HS3ST3B1: variants seen among roughly 807,000 people sequenced by gnomAD.
HS3ST3B1 encodes the protein heparan sulfate-glucosamine 3-sulfotransferase 3B1.
A neutral mutation model predicts 21.3 loss-of-function variants in HS3ST3B1; 13 were observed. The observed-to-expected ratio is 0.61, with a 90% CI of 0.40 to 0.97. HS3ST3B1 has a LOEUF of 0.97. Ranked by LOEUF, HS3ST3B1 falls within the 50% of genes least tolerant of loss-of-function variation. HS3ST3B1 has a pLI of 0.00. For synonymous variants in HS3ST3B1, 234 were observed against 254.8 expected (o/e 0.92, Z 0.78); for missense variants, 459 against 554.8 (o/e 0.83, Z 1.73).
rs1409859355 is a variant in HS3ST3B1 at position 14,314,048 on chromosome 17, C to T, written c.554+11976C>T. Among the ~76,000 whole-genome samples the T allele has an allele frequency of 2.0e-5, 3 of 152,050 alleles. 1 individual carries two copies. Among genetic ancestry groups the T allele is most frequent in the South Asian group, 4.2e-4 (2 of 4,808 alleles). On this transcript the variant is annotated intron_variant, in intron 1 of 1. Coordinates refer to ENST00000360954, the MANE Select transcript of HS3ST3B1 (RefSeq NM_006041.3). ...AGGCTGGAGTGCAGTGGCACGATCT[C>T]GGCTCACCGCAACCTCCGCCTCCCG...
Position 14,345,752 on chromosome 17 carries a change from A to C in HS3ST3B1, c.*106A>C. 1 of 1,367,310 alleles carries C rather than the reference A, an allele frequency of 7.3e-7. No homozygotes were observed. The highest frequency in any genetic ancestry group is 2.6e-5 in the East Asian group (1 of 38,982). The allele number at this position is 1,367,310 out of a possible 1,614,324, so 84.7% of individuals were successfully genotyped here. A position where few individuals can be genotyped will look rare whatever the true frequency, so the allele number is the denominator to read the frequency against. On this transcript the variant is annotated 3_prime_UTR_variant, in exon 2 of 2. Coordinates refer to ENST00000360954, the MANE Select transcript of HS3ST3B1 (RefSeq NM_006041.3). ...TTTTATAATAATTTATTTTTAATTCATAAGCAATTAATTCACTAAGCTGCC... is the reference window on the plus strand; with the variant it reads ...TTTTATAATAATTTATTTTTAATTCCTAAGCAATTAATTCACTAAGCTGCC...
At chr17:14,322,011 G>A (rs1909674339) in intron 1 of HS3ST3B1, among the ~76,000 whole-genome samples, 1 of 150,456 alleles carries the variant, frequency 6.6e-6, no homozygotes, top group East Asian at 2.0e-4. Context: ...TATATAAAGT[G>A]CTGTTTATTT....
chr17:14,313,145 T>TACATATATATATGTGTGTATA (rs1349125456), intron 1 of HS3ST3B1, among the ~76,000 whole-genome samples: 1 of 150,548 alleles, frequency 6.6e-6, no homozygotes, highest in Non-Finnish European at 1.5e-5. Context: ...TATATATATA[T>TACATATATATATGTGTGTATA]TTTTAGTAGA....
At chr17:14,340,878 C>T (rs746658562) in intron 1 of HS3ST3B1, among the ~76,000 whole-genome samples, 6 of 152,186 alleles carry the variant, frequency 3.9e-5, no homozygotes, top group African/African-American at 1.4e-4. Context: ...CCACCAAGCC[C>T]GGCTGAGTAA....
At chr17:14,332,513 G>A (rs1035453932) in intron 1 of HS3ST3B1, among the ~76,000 whole-genome samples, 5 of 151,828 alleles carry the variant, frequency 3.3e-5, no homozygotes, top group Non-Finnish European at 5.9e-5. Flanking sequence ...GTCTGCAACC[G>A]CTCCCACCGC....
intron 1 of HS3ST3B1, among the ~76,000 whole-genome samples, chr17:14,338,542 A>C (rs1910267670): frequency 6.6e-6 from 1 of 151,680 alleles, no homozygotes; most frequent in Non-Finnish European, 1.5e-5. Context: ...TCCCAGGTTC[A>C]AGTGATTCTC....
chr17:14,313,122 A>ATACATATATATATT (rs1909379198), intron 1 of HS3ST3B1, among the ~76,000 whole-genome samples: 1 of 145,686 alleles, frequency 6.9e-6, no homozygotes, highest in Admixed American at 6.9e-5. Context: ...ATATATATAT[A>ATACATATATATATT]TGTGTGTGTG....
intron 1 of HS3ST3B1, among the ~76,000 whole-genome samples, chr17:14,338,273 G>A (rs781628434): frequency 2.0e-5 from 3 of 151,304 alleles, no homozygotes; most frequent in South Asian, 2.1e-4. Context: ...CTACAGGTGC[G>A]TGCCGCCACG....
chr17:14,330,254 G>A (rs1909967009), intron 1 of HS3ST3B1, among the ~76,000 whole-genome samples: 1 of 152,152 alleles, frequency 6.6e-6, no homozygotes, highest in Non-Finnish European at 1.5e-5. Flanking sequence ...TCTACTTAAT[G>A]TCTGCCAGCT....
chr17:14,338,244 G>A (rs1847202042), intron 1 of HS3ST3B1, among the ~76,000 whole-genome samples: 1 of 151,692 alleles, frequency 6.6e-6, no homozygotes, highest in Non-Finnish European at 1.5e-5. Context: ...TCCTGCCTCA[G>A]CCTCCGGAGT....
chr17:14,332,136 T>G (rs981583545), intron 1 of HS3ST3B1, among the ~76,000 whole-genome samples: 1 of 152,188 alleles, frequency 6.6e-6, no homozygotes, highest in Non-Finnish European at 1.5e-5. Context: ...GAGGAGAGAC[T>G]GTAACCTTTG....
intron 1 of HS3ST3B1, among the ~76,000 whole-genome samples, chr17:14,322,880 C>A (rs542928323): frequency 6.9e-6 from 1 of 144,732 alleles, no homozygotes; most frequent in Non-Finnish European, 1.5e-5. Context: ...AGTTGAGAAG[C>A]GAGATTTGTG....
At chr17:14,344,017 C>T (rs1339681808) in intron 1 of HS3ST3B1, among the ~76,000 whole-genome samples, 1 of 152,092 alleles carries the variant, frequency 6.6e-6, no homozygotes, top group Non-Finnish European at 1.5e-5. Flanking sequence ...CTGCCTCAGC[C>T]TCCCAAGTAG....
chr17:14,304,774 TC>T (rs1909076333), intron 1 of HS3ST3B1: 1 of 152,104 alleles, frequency 6.6e-6, no homozygotes. Context: ...TTAAAACAAG[TC>T]CTCAAAAACT....
intron 1 of HS3ST3B1, among the ~76,000 whole-genome samples, chr17:14,317,197 A>ACCTTCGCTTTCTGTGCGG (rs1909527435): frequency 6.6e-6 from 1 of 152,160 alleles, no homozygotes; most frequent in Non-Finnish European, 1.5e-5. Context: ...TTTAATACCC[A>ACCTTCGCTTTCTGTGCGG]CCTTCGCTTT....
Position 14,345,815 on chromosome 17 carries a change from T to A in HS3ST3B1, c.*169T>A. On this transcript the variant is annotated 3_prime_UTR_variant, in exon 2 of 2. Transcript: ENST00000360954. Reference sequence around the variant, plus strand: ...TTAGAGAGTTAGCTTCATAATCTGTTAACATTCCAAAGTGTTTAACTCTAG... The same window carrying A: ...TTAGAGAGTTAGCTTCATAATCTGTAAACATTCCAAAGTGTTTAACTCTAG... 1 of 872,826 alleles carries A rather than the reference T, an allele frequency of 1.1e-6. No individual in the cohort carries two copies. The allele number at this position is 872,826 out of a possible 1,614,324, so 54.1% of individuals were successfully genotyped here. A position where few individuals can be genotyped will look rare whatever the true frequency, so the allele number is the denominator to read the frequency against.
At chr17:14,304,530 A>G (rs1909065879) in intron 1 of HS3ST3B1, 1 of 152,238 alleles carries the variant, frequency 6.6e-6, no homozygotes, top group Non-Finnish European at 1.5e-5. Context: ...CGTCCTTTTT[A>G]ACTTTAAACA....
chr17:14,317,232 C>T (rs1195811161), intron 1 of HS3ST3B1, among the ~76,000 whole-genome samples: 1 of 152,200 alleles, frequency 6.6e-6, no homozygotes, highest in Non-Finnish European at 1.5e-5. Context: ...GAAAATCAGG[C>T]AATAACAAGG....
intron 1 of HS3ST3B1, among the ~76,000 whole-genome samples, chr17:14,335,693 CAAA>C: frequency 7.4e-6 from 1 of 135,402 alleles, no homozygotes; most frequent in African/African-American, 2.7e-5. Flanking sequence ...GACTCTGTCT[CAAA>C]AAAAAAAAAG....
Sources: gnomAD v4.1 joint callset for allele counts (sites outside exome capture counted in the v4.1 genomes callset) on GRCh38, gnomAD v4.1.1 for gene constraint, MANE v1.5 for transcripts, NCBI Gene and HGNC (gene_info 2026-07-23, HGNC 2026-07-21) for gene names.